Variants in SHB observed in about 807,000 individuals in gnomAD.
SHB encodes SH2 domain-containing adapter protein B.
Under a neutral mutation model 52.3 loss-of-function variants are expected in SHB, and 20 were observed. The ratio of observed to expected loss-of-function variants is 0.38; its 90% CI spans 0.27 to 0.56. The LOEUF (loss-of-function observed/expected upper bound fraction) is 0.56. SHB is among the 20% of genes least tolerant of loss of function. SHB has a pLI of 0.71. For synonymous variants in SHB, 397 were observed against 316.5 expected (o/e 1.25, Z -2.70); for missense variants, 825 against 723.3 (o/e 1.14, Z -1.61).
In SHB at chr9:37,932,562, C is replaced by CAAA. The variant is rs74171537; in HGVS notation, c.1347-12561_1347-12559dup. On this transcript the variant is annotated intron_variant, in intron 5 of 5. Transcript: ENST00000377707. ...GAGTAGATGTTAGCTGCTCTAGCCA[C>CAAA]AAAAAAAAAAAAAAAAAAAGGTAAC... Among the ~76,000 whole-genome samples, 681 of 86,656 alleles carry CAAA rather than the reference C, an allele frequency of 7.9e-3. 8 individuals carry two copies. The highest frequency in any genetic ancestry group is 0.027 in the East Asian group (96 of 3,598). 56.8% of individuals were successfully genotyped at this position (86,656 alleles called of 152,430 possible).
intron 2 of SHB, among the ~76,000 whole-genome samples, chr9:37,982,715 C>T (rs952134200): frequency 6.6e-6 from 1 of 152,140 alleles, no homozygotes; most frequent in African/African-American, 2.4e-5. Flanking sequence ...AGAAGAATCA[C>T]TTGAACCTGG....
chr9:37,981,042 T>C (rs1451861070), intron 2 of SHB, among the ~76,000 whole-genome samples: 1 of 152,222 alleles, frequency 6.6e-6, no homozygotes, highest in African/African-American at 2.4e-5. Flanking sequence ...CCAGGATTTT[T>C]CAGAATGGCA....
At chr9:38,053,787 C>A (rs1236715368) in intron 1 of SHB, among the ~76,000 whole-genome samples, 1 of 152,124 alleles carries the variant, frequency 6.6e-6, no homozygotes, top group Non-Finnish European at 1.5e-5. Flanking sequence ...GACACACAGG[C>A]CAAAATAATA....
intron 2 of SHB, among the ~76,000 whole-genome samples, chr9:37,998,773 C>T (rs1564098080): frequency 6.6e-6 from 1 of 152,200 alleles, no homozygotes; most frequent in Non-Finnish European, 1.5e-5. Flanking sequence ...ATTTTGAATG[C>T]TTATTTTTCA....
chr9:37,953,152 C>T (rs1832586265), intron 4 of SHB, among the ~76,000 whole-genome samples: 1 of 152,048 alleles, frequency 6.6e-6, no homozygotes, highest in Admixed American at 6.5e-5. Context: ...TGGTGACTGC[C>T]ACGGAGGACA....
chr9:38,035,382 T>C (rs917548114), intron 1 of SHB, among the ~76,000 whole-genome samples: 3 of 151,904 alleles, frequency 2.0e-5, no homozygotes, highest in South Asian at 2.1e-4. Context: ...CCTTTGCCAC[T>C]AGAAACTCTA....
chr9:38,018,048 A>G (rs1314424371), intron 1 of SHB, among the ~76,000 whole-genome samples: 2 of 152,210 alleles, frequency 1.3e-5, no homozygotes, highest in African/African-American at 4.8e-5. Context: ...CTCTTGTCCC[A>G]GATTTCCTCA....
At chr9:38,066,737 T>C (rs1254107314) in intron 1 of SHB, among the ~76,000 whole-genome samples, 2 of 152,090 alleles carry the variant, frequency 1.3e-5, no homozygotes, top group Non-Finnish European at 2.9e-5. Flanking sequence ...GGACATTCCC[T>C]TCCTCCTCTC....
chr9:37,961,032 T>C (rs1303938276), intron 3 of SHB, among the ~76,000 whole-genome samples: 1 of 152,138 alleles, frequency 6.6e-6, no homozygotes, highest in East Asian at 1.9e-4. Flanking sequence ...CACTTCCTAC[T>C]TCTAGGCCTG....
At chr9:37,966,296 T>C (rs1342687267) in intron 3 of SHB, among the ~76,000 whole-genome samples, 1 of 152,242 alleles carries the variant, frequency 6.6e-6, no homozygotes, top group Non-Finnish European at 1.5e-5. Context: ...ATCAAATCTT[T>C]GTTTTTTTTC....
intron 1 of SHB, among the ~76,000 whole-genome samples, 186 bp downstream of exon 1, chr9:38,067,743 A>G (rs551199525): frequency 6.6e-6 from 1 of 152,204 alleles, no homozygotes; most frequent in Non-Finnish European, 1.5e-5. Context: ...AGGTGGGGTC[A>G]GGAGGCCGCC....
chr9:38,060,082 A>G (rs1405773992), intron 1 of SHB, among the ~76,000 whole-genome samples: 1 of 152,226 alleles, frequency 6.6e-6, no homozygotes, highest in Non-Finnish European at 1.5e-5. Flanking sequence ...GGGATTGTGC[A>G]GCTTGAGGTA....
chr9:38,027,182 G>A (rs916895754), intron 1 of SHB, among the ~76,000 whole-genome samples: 2 of 152,176 alleles, frequency 1.3e-5, no homozygotes, highest in African/African-American at 4.8e-5. Flanking sequence ...GGTGTGCTGG[G>A]CTGAAACCAG....
At chr9:38,061,397 G>A (rs1399644201) in intron 1 of SHB, among the ~76,000 whole-genome samples, 2 of 151,812 alleles carry the variant, frequency 1.3e-5, no homozygotes, top group Non-Finnish European at 2.9e-5. Flanking sequence ...GTGTGTTGCC[G>A]TCAGCCAGCC....
intron 4 of SHB, among the ~76,000 whole-genome samples, chr9:37,951,003 A>G (rs1179620327): frequency 6.6e-6 from 1 of 152,182 alleles, no homozygotes; most frequent in African/African-American, 2.4e-5. Flanking sequence ...CGGCACTGAC[A>G]TTCTCCTCAG....
intron 3 of SHB, among the ~76,000 whole-genome samples, chr9:37,971,637 G>C (rs1180600649): frequency 6.6e-6 from 1 of 152,208 alleles, no homozygotes; most frequent in Non-Finnish European, 1.5e-5. Context: ...CCAGTGACCG[G>C]ATGAGACACA....
intron 3 of SHB, among the ~76,000 whole-genome samples, chr9:37,961,675 C>CT (rs1832693316): frequency 6.6e-6 from 1 of 152,216 alleles, no homozygotes; most frequent in Non-Finnish European, 1.5e-5. Flanking sequence ...TCTAGAATCC[C>CT]TTTACTTCAC....
intron 2 of SHB, among the ~76,000 whole-genome samples, chr9:37,980,917 A>C (rs566784572): frequency 6.6e-6 from 1 of 152,368 alleles, no homozygotes; most frequent in East Asian, 1.9e-4. Flanking sequence ...TGGTCTCAAA[A>C]GTGGGCTTAA....
intron 3 of SHB, among the ~76,000 whole-genome samples, chr9:37,963,580 T>C (rs1157594143): frequency 1.3e-5 from 2 of 152,122 alleles, no homozygotes; most frequent in African/African-American, 4.8e-5. Context: ...CAGGGGTTCC[T>C]GCACAGCACC....
Sources: allele counts gnomAD v4.1 joint callset (sites outside exome capture counted in the v4.1 genomes callset), GRCh38; gene constraint gnomAD v4.1.1; transcripts MANE v1.5; gene names NCBI Gene and HGNC (gene_info 2026-07-23, HGNC 2026-07-21).